Variants in ATG3 observed in about 807,000 individuals in gnomAD.
ATG3 encodes ubiquitin-like-conjugating enzyme ATG3.
ATG3 carries 25 observed loss-of-function variants against 50.7 expected under a neutral mutation model. That is an observed-to-expected ratio of 0.49 (90% CI 0.36 to 0.69). The LOEUF is 0.69. Among genes scored for constraint, ATG3 ranks in the 30% least tolerant of loss-of-function variants. The probability of loss-of-function intolerance (pLI) is 0.00; values close to 1 mark genes in which losing one functional copy is unlikely to be tolerated. For missense variants in ATG3, 281 were observed against 376.0 expected (o/e 0.75, Z 2.09); for synonymous variants, 119 against 125.5 (o/e 0.95, Z 0.34).
At chr3:112,536,425 T>A (rs1283011844) in intron 10 of ATG3, 50 bp downstream of exon 10, 2 of 1,593,542 alleles carry the variant, frequency 1.3e-6, no homozygotes, top group African/African-American at 2.7e-5. Flanking sequence ...AATAAATCCA[T>A]GAAATATACA....
chr3:112,549,082 A>T (rs905394830), intron 4 of ATG3, among the ~76,000 whole-genome samples: 1 of 152,254 alleles, frequency 6.6e-6, no homozygotes, highest in African/African-American at 2.4e-5. Flanking sequence ...GTAACTTTCA[A>T]TATAAATTTT....
intron 7 of ATG3, among the ~76,000 whole-genome samples, chr3:112,539,959 C>G (rs1209790692): frequency 1.3e-5 from 2 of 152,314 alleles, no homozygotes; most frequent in East Asian, 1.9e-4. Context: ...CATTCAGAGA[C>G]AGATGAAATT....
rs1933115628 is a variant in ATG3 at position 112,537,864 on chromosome 3, T to C, written c.537A>G (p.Val179=). Residue 179 remains valine (V), a synonymous_variant, in exon 9 of 12, where the codon GTA becomes GTG. Coordinates refer to ENST00000283290, the MANE Select transcript of ATG3 (RefSeq NM_022488.5). ...CATCAGTTTTGGCTTTACAAGCTTC[T>C]ACTATTTTCCTTGTATCTAGGGTAG... The part of the protein sequence containing the change: ...DEATLDTRKI[V]EACKAKTDAG... 3.7e-6 allele frequency: 6 copies of C among 1,610,350 alleles called. No homozygotes were observed. The highest frequency in any genetic ancestry group is 5.1e-6 in the Non-Finnish European group (6 of 1,179,112).
At chr3:112,544,515 G>A (rs1026270131) in intron 5 of ATG3, among the ~76,000 whole-genome samples, 3 of 151,954 alleles carry the variant, frequency 2.0e-5, no homozygotes, top group Non-Finnish European at 2.9e-5. Flanking sequence ...TTAGCTCAGC[G>A]TGGTGGCGTG....
intron 11 of ATG3, chr3:112,533,199 TA>T: frequency 1.0e-6 from 1 of 985,750 alleles, no homozygotes; most frequent in Non-Finnish European, 1.2e-6. Flanking sequence ...AAATCCTGTA[TA>T]GTAGACTGAT....
chr3:112,561,324 C>T (rs1341593843), intron 1 of ATG3, 133 bp downstream of exon 1: 2 of 902,506 alleles, frequency 2.2e-6, no homozygotes, highest in Non-Finnish European at 3.5e-6. Context: ...GGGCTGCACA[C>T]TTCCCTGTGT....
At chr3:112,551,070 C>T (rs1933512339) in intron 3 of ATG3, among the ~76,000 whole-genome samples, 1 of 152,202 alleles carries the variant, frequency 6.6e-6, no homozygotes, top group Non-Finnish European at 1.5e-5. Context: ...TACAACATTT[C>T]TGAGCTGCTC....
At position 112,532,795 on chromosome 3, in the gene ATG3, C is replaced by A; in HGVS notation, c.864-15G>T. 1 of 1,563,664 alleles carries A rather than the reference C, an allele frequency of 6.4e-7. No individual in the cohort carries two copies. The highest frequency in any genetic ancestry group is 8.6e-7 in the Non-Finnish European group (1 of 1,156,888). On this transcript the variant is annotated splice_polypyrimidine_tract_variant and intron_variant, in intron 11 of 11. Coordinates refer to ENST00000283290, the MANE Select transcript of ATG3 (RefSeq NM_022488.5). ...TAAGAAGATACCTAAAGGTTTTTAG[C>A]TAAGGAAAATAAGATTTGTAAATAG...
chr3:112,532,789 T>C lies in ATG3; in HGVS notation c.864-9A>G. ...AGAAAATAAGAAGATACCTAAAGGT[T>C]TTTAGCTAAGGAAAATAAGATTTGT... On this transcript the variant is annotated splice_polypyrimidine_tract_variant and intron_variant, in intron 11 of 11. Coordinates refer to ENST00000283290, the MANE Select transcript of ATG3 (RefSeq NM_022488.5). The C allele has an allele frequency of 6.4e-7, 1 of 1,573,370 alleles. No homozygotes were observed. Among genetic ancestry groups the C allele is most frequent in the Non-Finnish European group, 8.6e-7 (1 of 1,161,890 alleles).
intron 9 of ATG3, 36 bp from the exon 10 acceptor site, chr3:112,536,638 A>T: frequency 6.2e-7 from 1 of 1,609,466 alleles, no homozygotes; most frequent in African/African-American, 1.3e-5. Flanking sequence ...ATTACTATTT[A>T]AGGCCGGGTG....
At chr3:112,559,794 T>G (rs1314129705) in intron 1 of ATG3, among the ~76,000 whole-genome samples, 3 of 152,242 alleles carry the variant, frequency 2.0e-5, no homozygotes, top group African/African-American at 7.2e-5. Context: ...CCTCTACCAA[T>G]TAAGCAGAAC....
At position 112,552,542 on chromosome 3, in the gene ATG3, T is replaced by C. The variant is rs183466307; in HGVS notation, c.164+738A>G. Among the ~76,000 whole-genome samples, 794 of 152,042 alleles carry C rather than the reference T, an allele frequency of 5.2e-3. 7 individuals are homozygous for C. The highest frequency in any genetic ancestry group is 0.027 in the South Asian group (132 of 4,830). On this transcript the variant is annotated intron_variant, in intron 3 of 11. Coordinates refer to ENST00000283290, the MANE Select transcript of ATG3 (RefSeq NM_022488.5). ...TTTTGAACCTAACAGAAAACGTTTA[T>C]GTTTTATATTTTAAAGAACATAAAA...
chr3:112,544,483 G>A (rs754469631), intron 5 of ATG3, among the ~76,000 whole-genome samples: 17 of 151,872 alleles, frequency 1.1e-4, no homozygotes, highest in Non-Finnish European at 1.8e-4. Flanking sequence ...TGGTGAAACC[G>A]TTTCTACTAA....
In ATG3 at chr3:112,533,275, A is replaced by C. The variant is rs151199035; in HGVS notation, c.864-495T>G. On this transcript the variant is annotated intron_variant, in intron 11 of 11. Coordinates refer to ENST00000283290, the MANE Select transcript of ATG3 (RefSeq NM_022488.5). ...CTGGACTGTCTTTAATTAAATTCTG[A>C]AATTTTTTTATGTTCATTGCACTTA... The C allele has an allele frequency of 5.8e-3, 5,696 of 984,836 alleles. 16 individuals carry two copies. The highest frequency in any genetic ancestry group is 0.014 in the Middle Eastern group (27 of 1,910). 61.0% of individuals were successfully genotyped at this position (984,836 alleles called of 1,614,324 possible). A position where few individuals can be genotyped will look rare whatever the true frequency, so the allele number is the denominator to read the frequency against.
chr3:112,558,611 C>A (rs1022984711), intron 1 of ATG3, among the ~76,000 whole-genome samples, 194 bp from the exon 2 acceptor site: 1 of 152,136 alleles, frequency 6.6e-6, no homozygotes, highest in Admixed American at 6.6e-5. Context: ...CTATATCTAT[C>A]TATCTGTTTC....
intron 11 of ATG3, chr3:112,533,389 C>A: frequency 1.0e-6 from 1 of 985,166 alleles, no homozygotes; most frequent in Non-Finnish European, 1.2e-6. Context: ...TACCTAGCAT[C>A]CAGCAGAGAT....
At chr3:112,557,396 G>C (rs913049650) in intron 2 of ATG3, among the ~76,000 whole-genome samples, 1 of 152,210 alleles carries the variant, frequency 6.6e-6, no homozygotes, top group African/African-American at 2.4e-5. Context: ...GAGGCAGGCG[G>C]ATCACGAGGT....
chr3:112,549,026 T>A (rs1261421212), intron 4 of ATG3, among the ~76,000 whole-genome samples: 1 of 152,246 alleles, frequency 6.6e-6, no homozygotes, highest in Non-Finnish European at 1.5e-5. Context: ...CTACCAGCTA[T>A]CATAGTCAGT....
At chr3:112,538,052 G>A in intron 8 of ATG3, 94 bp downstream of exon 8, 1 of 1,232,492 alleles carries the variant, frequency 8.1e-7, no homozygotes, top group Non-Finnish European at 1.1e-6. Context: ...GAACAAATTA[G>A]AATGTCTTTG....
Sources: allele counts gnomAD v4.1 joint callset (sites outside exome capture counted in the v4.1 genomes callset), GRCh38; gene constraint gnomAD v4.1.1; transcripts MANE v1.5; gene names NCBI Gene and HGNC (gene_info 2026-07-23, HGNC 2026-07-21).